Variants in SDK1 observed in about 807,000 individuals in gnomAD.
The protein encoded by SDK1 is sidekick cell adhesion molecule 1.
SDK1 carries 157 observed loss-of-function variants against 245.5 expected under a neutral mutation model. The ratio of observed to expected loss-of-function variants is 0.64; its 90% confidence interval spans 0.56 to 0.73. The LOEUF (loss-of-function observed/expected upper bound fraction) is 0.73. Among genes scored for constraint, SDK1 ranks in the 30% least tolerant of loss-of-function variants. The probability of loss-of-function intolerance (pLI) is 0.00; values close to 1 mark genes in which losing one functional copy is unlikely to be tolerated. For missense variants in SDK1, 3,583 were observed against 3,002.3 expected (o/e 1.19, Z -4.52); for synonymous variants, 1,647 against 1,278.5 (o/e 1.29, Z -6.15).
chr7:3,738,080 T>C (rs1161370125), intron 4 of SDK1, among the ~76,000 whole-genome samples: 1 of 152,252 alleles, frequency 6.6e-6, no homozygotes. Context: ...CGTCTTTCTT[T>C]TGTTGCCTGT....
At chr7:3,971,632 T>G (rs1443980903) in intron 12 of SDK1, 64 bp downstream of exon 12, 1 of 1,221,398 alleles carries the variant, frequency 8.2e-7, no homozygotes, top group Admixed American at 1.9e-5. Flanking sequence ...TGAAGTGAAG[T>G]TGAGATGAGG....
intron 4 of SDK1, among the ~76,000 whole-genome samples, chr7:3,751,216 G>C (rs555346601): frequency 3.3e-5 from 5 of 152,316 alleles, no homozygotes; most frequent in African/African-American, 1.2e-4. Flanking sequence ...ATTTTAGCCT[G>C]TGTTTTTTAT....
chr7:3,850,674 G>A (rs909991248), intron 5 of SDK1, among the ~76,000 whole-genome samples: 1 of 152,166 alleles, frequency 6.6e-6, no homozygotes, highest in Non-Finnish European at 1.5e-5. Flanking sequence ...ATACTATGCG[G>A]CCATAAAAAA....
At chr7:3,880,370 T>G (rs1280331147) in intron 5 of SDK1, among the ~76,000 whole-genome samples, 1 of 152,070 alleles carries the variant, frequency 6.6e-6, no homozygotes, top group Admixed American at 6.5e-5. Context: ...CAAGCCCTGA[T>G]TAGCGGTTGG....
intron 14 of SDK1, among the ~76,000 whole-genome samples, chr7:4,003,336 A>G (rs1196479197): frequency 6.6e-6 from 1 of 152,198 alleles, no homozygotes; most frequent in Non-Finnish European, 1.5e-5. Context: ...GAGCTTACAG[A>G]ACTGTTTCAA....
Position 4,221,245 on chromosome 7 carries a change from C to G in SDK1, c.5708C>G (p.Pro1903Arg). ...NITAGPAEGS[P>R]GSPRDVLVTK... ...TTTCTTCTTTATCCCGCAGGATCCCCGGGCTCGCCTAGAGATGTCCTGGTC... is the reference window on the plus strand; with the variant it reads ...TTTCTTCTTTATCCCGCAGGATCCCGGGGCTCGCCTAGAGATGTCCTGGTC... The change falls in exon 40 of 45, where the codon CCG (proline) becomes CGG (arginine). Residue 1903 changes from proline to arginine, a missense_variant. Physicochemically the swap from Pro to Arg is moderately radical, Grantham distance 103 (BLOSUM62 -2). Coordinates refer to ENST00000404826, the MANE Select transcript of SDK1 (RefSeq NM_152744.4). 4.3e-6 allele frequency: 7 copies of G among 1,613,474 alleles called. No individual in the cohort carries two copies. Among genetic ancestry groups the G allele is most frequent in the Non-Finnish European group, 5.9e-6 (7 of 1,179,970 alleles).
At chr7:3,723,286 G>T (rs185373477) in intron 4 of SDK1, among the ~76,000 whole-genome samples, 9 of 152,278 alleles carry the variant, frequency 5.9e-5, no homozygotes, top group East Asian at 1.9e-4. Flanking sequence ...ACATAAATTC[G>T]TATGATTACC....
At chr7:3,337,172 T>TAATG (rs1780223281) in intron 1 of SDK1, among the ~76,000 whole-genome samples, 1 of 152,200 alleles carries the variant, frequency 6.6e-6, no homozygotes, top group African/African-American at 2.4e-5. Flanking sequence ...TTACAAATTC[T>TAATG]TTTGAAACAA....
intron 5 of SDK1, among the ~76,000 whole-genome samples, chr7:3,833,103 T>A (rs1408453144): frequency 6.6e-6 from 1 of 152,104 alleles, no homozygotes; most frequent in Non-Finnish European, 1.5e-5. Context: ...ATAACGGTTT[T>A]GTGGTTTTTC....
chr7:3,655,585 C>T (rs1783157985), intron 4 of SDK1, among the ~76,000 whole-genome samples: 1 of 148,058 alleles, frequency 6.8e-6, no homozygotes, highest in Admixed American at 6.8e-5. Context: ...CTCTTACATA[C>T]ACTTGCTTAT....
At chr7:3,602,078 T>A (rs1781271578) in intron 1 of SDK1, among the ~76,000 whole-genome samples, 1 of 152,052 alleles carries the variant, frequency 6.6e-6, no homozygotes, top group African/African-American at 2.4e-5. Context: ...AGTCTATCGT[T>A]GTTGGACATT....
chr7:4,200,552 A>G (rs4723456), intron 35 of SDK1, among the ~76,000 whole-genome samples: 55,496 of 152,110 alleles, frequency 0.36, 10,701 homozygotes, highest in Middle Eastern at 0.5. Context: ...TGCATTTCCA[A>G]GCTCACCCAT....
intron 22 of SDK1, among the ~76,000 whole-genome samples, chr7:4,098,988 A>G (rs965016179): frequency 2.0e-5 from 3 of 151,782 alleles, no homozygotes; most frequent in African/African-American, 7.3e-5. Flanking sequence ...TGTAGTCTAA[A>G]TTTTGGTACA....
chr7:3,570,902 G>A (rs532093805), intron 1 of SDK1, among the ~76,000 whole-genome samples: 7 of 152,048 alleles, frequency 4.6e-5, no homozygotes, highest in Admixed American at 6.5e-5. Context: ...TTTCATGCAT[G>A]CTTCTTTAAT....
At chr7:3,741,713 G>A (rs1779479327) in intron 4 of SDK1, among the ~76,000 whole-genome samples, 1 of 152,046 alleles carries the variant, frequency 6.6e-6, no homozygotes, top group African/African-American at 2.4e-5. Flanking sequence ...TTCAAAGAAA[G>A]ACAGGAACTA....
At chr7:4,162,796 T>A (rs932381301) in intron 32 of SDK1, among the ~76,000 whole-genome samples, 2 of 152,206 alleles carry the variant, frequency 1.3e-5, no homozygotes, top group Non-Finnish European at 2.9e-5. Context: ...TCAGCAATGC[T>A]CCAGTAAGGC....
At position 3,305,686 on chromosome 7, in the gene SDK1, G is replaced by T. The variant is rs373595033; in HGVS notation, c.298+3802G>T. Among the ~76,000 whole-genome samples, 9 of 152,288 alleles carry T rather than the reference G, an allele frequency of 5.9e-5. No homozygotes were observed. The East Asian group carries it at 1.2e-3, about 20-fold the overall frequency. On this transcript the variant is annotated intron_variant, in intron 1 of 44. Transcript: ENST00000404826. ...TAATAAAGAGTCTTGCTTAGTGAGT[G>T]CTCAGATAGTTAATTAAATTTTATT...
At position 4,102,265 on chromosome 7, in the gene SDK1, C is replaced by T. The variant is rs1584136677; in HGVS notation, c.3325-8398C>T. The stretch of plus-strand genomic sequence containing the variant: ...CATCTGTCCCTCCCTCTGCAGGGGC[C>T]CTCCAGCCACCTCCTCTCAGGAGGT... On this transcript the variant is annotated intron_variant, in intron 22 of 44. Coordinates refer to ENST00000404826, the MANE Select transcript of SDK1 (RefSeq NM_152744.4). Among the ~76,000 whole-genome samples, 11 of 152,274 alleles carry T rather than the reference C, an allele frequency of 7.2e-5. 2 individuals carry two copies. In the South Asian group the frequency reaches 2.1e-3, roughly 29 times the overall value.
At chr7:4,121,497 C>G (rs1784063563) in intron 25 of SDK1, among the ~76,000 whole-genome samples, 1 of 152,176 alleles carries the variant, frequency 6.6e-6, no homozygotes, top group East Asian at 1.9e-4. Flanking sequence ...GAGGAAGTTC[C>G]TTGCTTCCCC....
Sources: allele counts gnomAD v4.1 joint callset (sites outside exome capture counted in the v4.1 genomes callset), GRCh38; gene constraint gnomAD v4.1.1; transcripts MANE v1.5; gene names NCBI Gene and HGNC (gene_info 2026-07-23, HGNC 2026-07-21).